The following NPHP4 variants were observed in gnomAD, a reference collection of about 807,000 sequenced individuals.
The protein encoded by NPHP4 is nephrocystin 4.
Under a neutral mutation model 155.8 loss-of-function variants are expected in NPHP4, and 151 were observed. The ratio of observed to expected loss-of-function variants is 0.97; its 90% CI spans 0.85 to 1.11. The LOEUF (loss-of-function observed/expected upper bound fraction) is 1.11. NPHP4 is among the 50% of genes least tolerant of loss of function. NPHP4 has a pLI of 0.00. For missense variants in NPHP4, 1,956 were observed against 1,925.7 expected (o/e 1.02, Z -0.29); for synonymous variants, 845 against 816.8 (o/e 1.03, Z -0.59).
chr1:5,984,552 G>A (rs1411994876), intron 2 of NPHP4, among the ~76,000 whole-genome samples: 1 of 151,894 alleles, frequency 6.6e-6, no homozygotes, highest in Non-Finnish European at 1.5e-5. Context: ...AAGAAAGAAT[G>A]GTACAGAACG....
intron 9 of NPHP4, among the ~76,000 whole-genome samples, chr1:5,945,988 G>A (rs982736750): frequency 6.6e-6 from 1 of 152,196 alleles, no homozygotes; most frequent in African/African-American, 2.4e-5. Context: ...GAGGTAGAGA[G>A]AGAGAGACTA....
At position 5,947,965 on chromosome 1, in the gene NPHP4, G is replaced by C; in HGVS notation, c.992+105C>G. ...TCCAAGAGGAAAGAAACACAAGGAA[G>C]AACTCCCACGTGGGTGAGTCAACAC... On this transcript the variant is annotated intron_variant, in intron 8 of 29. Transcript: ENST00000378156. 4 of 841,182 alleles carry C rather than the reference G, an allele frequency of 4.8e-6. No homozygotes were observed. The South Asian group carries it at 6.1e-5, about 13-fold the overall frequency. 52.1% of individuals were successfully genotyped at this position (841,182 alleles called of 1,614,324 possible). A position where few individuals can be genotyped will look rare whatever the true frequency, so the allele number is the denominator to read the frequency against.
intron 6 of NPHP4, among the ~76,000 whole-genome samples, chr1:5,956,070 G>T (rs56837230): frequency 0.013 from 1,999 of 148,332 alleles, 78 homozygotes; most frequent in African/African-American, 0.047. Context: ...GGGGGGGGGG[G>T]GTGCAGGGAG....
At chr1:5,869,251 A>ACATG (rs1641740958) in intron 23 of NPHP4, among the ~76,000 whole-genome samples, 2 of 150,168 alleles carry the variant, frequency 1.3e-5, no homozygotes, top group Admixed American at 1.3e-4. Flanking sequence ...ACACACACAC[A>ACATG]CATGCACACC....
At chr1:5,934,869 G>C (rs1272912613) in intron 9 of NPHP4, among the ~76,000 whole-genome samples, 1 of 152,210 alleles carries the variant, frequency 6.6e-6, no homozygotes, top group Non-Finnish European at 1.5e-5. Context: ...CGAAGGAGGA[G>C]GCAAGACTCC....
At chr1:5,940,493 G>T (rs369750758) in intron 9 of NPHP4, among the ~76,000 whole-genome samples, 1 of 152,020 alleles carries the variant, frequency 6.6e-6, no homozygotes, top group Non-Finnish European at 1.5e-5. Context: ...AAATCTCCCC[G>T]CTTTACTCTT....
Position 5,944,895 on chromosome 1 carries a change from A to G in NPHP4, c.1119+2209T>C, listed in dbSNP as rs974331846. Among the ~76,000 whole-genome samples the G allele has an allele frequency of 2.0e-5, 3 of 152,128 alleles. No homozygotes were observed. Among genetic ancestry groups the G allele is most frequent in the African/African-American group, 7.2e-5 (3 of 41,430 alleles). On this transcript the variant is annotated intron_variant, in intron 9 of 29. Coordinates refer to ENST00000378156, the MANE Select transcript of NPHP4 (RefSeq NM_015102.5). The surrounding 1 kb of genome is among the most constrained non-coding windows in gnomAD (Gnocchi z 4.3). ...TGAGGCAGGAGAGTCACTTGAACCC[A>G]GGAGGCGGAGGTTGCAGTGAGCCGA...
At position 5,867,660 on chromosome 1, in the gene NPHP4, C is replaced by A. The variant is rs1641386056; in HGVS notation, c.3472+80G>T. 5 of 1,443,766 alleles carry A rather than the reference C, an allele frequency of 3.5e-6. No individual in the cohort carries two copies. The highest frequency in any genetic ancestry group is 2.1e-4 in the Middle Eastern group (1 of 4,732). The allele number at this position is 1,443,766 out of a possible 1,614,324, so 89.4% of individuals were successfully genotyped here. ...GCACCAGGGCATGAAGCCATGAGGC[C>A]ATCTGTCACCCTCAAGAGGTATCTA... On this transcript the variant is annotated intron_variant, in intron 24 of 29. Coordinates refer to ENST00000378156, the MANE Select transcript of NPHP4 (RefSeq NM_015102.5). The surrounding 1 kb of genome is among the most constrained non-coding windows in gnomAD (Gnocchi z 4.1).
At chr1:5,901,291 G>T (rs933966473) in intron 16 of NPHP4, among the ~76,000 whole-genome samples, 4 of 152,194 alleles carry the variant, frequency 2.6e-5, no homozygotes, top group African/African-American at 4.8e-5. Flanking sequence ...TTTAAGTGAG[G>T]CTTATGAGAG....
chr1:5,953,404 C>G (rs1648571658), intron 6 of NPHP4, among the ~76,000 whole-genome samples: 1 of 152,148 alleles, frequency 6.6e-6, no homozygotes, highest in Admixed American at 6.5e-5. Context: ...ACACCTGGCC[C>G]AGGAACAGTT....
intron 3 of NPHP4, among the ~76,000 whole-genome samples, chr1:5,972,157 C>T (rs1465083612): frequency 6.6e-6 from 1 of 152,258 alleles, no homozygotes; most frequent in African/African-American, 2.4e-5. Context: ...CAACGCTGGG[C>T]AGCAAGGCCA....
Position 5,866,429 on chromosome 1 carries a change from C to G in NPHP4, c.3588G>C (p.Leu1196=), listed in dbSNP as rs762400372. ...CCGGGCTTGGACCACTGGCCACCTT[C>G]AGAAATATGTCCCGTGGTTCCCCGG... ...VGPGEPRDIF[L]KVASGPSPEI... The change falls in exon 26 of 30, where the codon CTG becomes CTC. Residue 1196 remains leucine (L), a synonymous_variant. Coordinates refer to ENST00000378156, the MANE Select transcript of NPHP4 (RefSeq NM_015102.5). The G allele has an allele frequency of 6.2e-7, 1 of 1,607,502 alleles. No homozygotes were observed. The highest frequency in any genetic ancestry group is 8.5e-7 in the Non-Finnish European group (1 of 1,176,522).
chr1:5,954,330 G>A (rs1250329692), intron 6 of NPHP4, among the ~76,000 whole-genome samples: 1 of 152,168 alleles, frequency 6.6e-6, no homozygotes, highest in African/African-American at 2.4e-5. Flanking sequence ...TCGTAATATT[G>A]TAAGTGAAAA....
In NPHP4 at chr1:5,887,470, C is replaced by A; in HGVS notation, c.2305-4G>T. The A allele has an allele frequency of 6.2e-7, 1 of 1,612,758 alleles. No homozygotes were observed. Among genetic ancestry groups the A allele is most frequent in the Non-Finnish European group, 8.5e-7 (1 of 1,179,806 alleles). On this transcript the variant is annotated splice_polypyrimidine_tract_variant and splice_region_variant and intron_variant, in intron 17 of 29. Coordinates refer to ENST00000378156, the MANE Select transcript of NPHP4 (RefSeq NM_015102.5). ...GCCGGCCTTGGCGGAGGAGATGCTG[C>A]AGAAGAGAAAAGCGCGTTCAGAGGC... is the stretch of plus-strand genomic sequence containing the variant.
chr1:5,972,968 T>G (rs1177983802), intron 3 of NPHP4, among the ~76,000 whole-genome samples: 1 of 151,898 alleles, frequency 6.6e-6, no homozygotes, highest in East Asian at 1.9e-4. Context: ...CACTGCAACC[T>G]CCACCCGCCG....
At chr1:5,916,832 AC>A (rs1645497842) in intron 11 of NPHP4, among the ~76,000 whole-genome samples, 1 of 152,210 alleles carries the variant, frequency 6.6e-6, no homozygotes. Flanking sequence ...ACATGGCGAA[AC>A]CCCATCTCTA....
chr1:5,964,937 A>ATTT lies in NPHP4; in HGVS notation c.517+2361_517+2362insAAA, dbSNP rs1400602210. Among the ~76,000 whole-genome samples the ATTT allele has an allele frequency of 4.7e-4, 26 of 54,894 alleles. 1 individual carries two copies. Among genetic ancestry groups the ATTT allele is most frequent in the African/African-American group, 1.4e-3 (15 of 10,774 alleles). 36.0% of individuals were successfully genotyped at this position (54,894 alleles called of 152,430 possible). ...ATATATTATATATATATATATATAT[A>ATTT]TATATTTTTTTTTTTTGAGGCAGGG... On this transcript the variant is annotated intron_variant, in intron 5 of 29. Coordinates refer to ENST00000378156, the MANE Select transcript of NPHP4 (RefSeq NM_015102.5).
At chr1:5,866,540 C>T (rs541408331) in intron 25 of NPHP4, 82 bp from the exon 26 acceptor site, 22 of 790,798 alleles carry the variant, frequency 2.8e-5, no homozygotes, top group African/African-American at 2.7e-4. Context: ...GACTAATACA[C>T]GCAGCGAGTG....
intron 11 of NPHP4, among the ~76,000 whole-genome samples, chr1:5,922,674 C>A (rs1401862969): frequency 1.3e-5 from 2 of 152,130 alleles, no homozygotes; most frequent in Non-Finnish European, 2.9e-5. Flanking sequence ...AAAAACTTAG[C>A]CAGGCACGGT....
Sources: allele counts gnomAD v4.1 joint callset (sites outside exome capture counted in the v4.1 genomes callset), GRCh38; gene constraint gnomAD v4.1.1; non-coding constraint Gnocchi (gnomAD v3.1); transcripts MANE v1.5; gene names NCBI Gene and HGNC (gene_info 2026-07-23, HGNC 2026-07-21).